Variants in SPATA6L observed in about 807,000 individuals in gnomAD.
SPATA6L encodes the protein spermatogenesis associated 6 like.
A neutral mutation model predicts 49.2 loss-of-function variants in SPATA6L; 68 were observed. The observed-to-expected ratio is 1.38, with a 90% confidence interval of 1.14 to 1.69. The LOEUF (loss-of-function observed/expected upper bound fraction) is 1.69, where lower values mean the gene tolerates loss of function less well. SPATA6L is among the 40% of genes most tolerant of loss of function. The probability of loss-of-function intolerance (pLI) is 0.00; values close to 1 mark genes in which losing one functional copy is unlikely to be tolerated. For synonymous variants in SPATA6L, 198 were observed against 165.7 expected, an observed-to-expected ratio of 1.19 and a Z score of -1.50; for missense variants, 668 against 464.3, an observed-to-expected ratio of 1.44 and a Z score of -4.03.
rs573267692 is a variant in SPATA6L, at chr9:4,601,069, A to T, written c.*2-260T>A. Among the ~76,000 whole-genome samples the T allele has an allele frequency of 1.2e-3, 180 of 152,320 alleles. 1 individual carries two copies. Among genetic ancestry groups the T allele is most frequent in the African/African-American group, 4.1e-3 (172 of 41,584 alleles). On this transcript the variant is annotated intron_variant, in intron 11 of 11. Transcript: ENST00000682582. ...GACAGAGTATCTACCTCTTACTATTATAGTGAAGAGTTAGCATTGCTACAT... is the reference window on the plus strand; with the variant it reads ...GACAGAGTATCTACCTCTTACTATTTTAGTGAAGAGTTAGCATTGCTACAT...
chr9:4,619,861 G>A (rs1367395621), intron 7 of SPATA6L, among the ~76,000 whole-genome samples: 1 of 152,132 alleles, frequency 6.6e-6, no homozygotes, highest in Non-Finnish European at 1.5e-5. Context: ...AAGACACAGA[G>A]AGAAAGTGAA....
intron 6 of SPATA6L, 106 bp from the exon 7 acceptor site, chr9:4,622,616 TG>T: frequency 1.3e-6 from 1 of 772,108 alleles, no homozygotes; most frequent in Non-Finnish European, 2.1e-6. Context: ...TTACACGGGT[TG>T]GAAAAAGAAG....
intron 4 of SPATA6L, among the ~76,000 whole-genome samples, chr9:4,631,594 A>C (rs1304471384): frequency 3.3e-5 from 5 of 151,562 alleles, no homozygotes; most frequent in Non-Finnish European, 7.4e-5. Context: ...GAAATAAAAC[A>C]GCAAAATACA....
Position 4,662,929 on chromosome 9 carries a change from G to A in SPATA6L, c.40-893C>T, listed in dbSNP as rs149516642. The A allele has an allele frequency of 6.2e-7, 1 of 1,610,840 alleles. No individual in the cohort carries two copies. ...CTGCTGCTGGTGGCCTTGATCAAAGGGCTGGTCCGCAGGCGCCGCCCGGCC... is the reference window on the plus strand; with the variant it reads ...CTGCTGCTGGTGGCCTTGATCAAAGAGCTGGTCCGCAGGCGCCGCCCGGCC... On this transcript the variant is annotated intron_variant, in intron 1 of 11. Coordinates refer to ENST00000682582, the MANE Select transcript of SPATA6L (RefSeq NM_001353486.2). This position sits in a 1 kb window ranked among gnomAD's most constrained non-coding sequence, Gnocchi z 4.9.
intron 13 of SPATA6L, among the ~76,000 whole-genome samples, chr9:4,592,131 A>G (rs953190406): frequency 3.3e-5 from 5 of 152,108 alleles, no homozygotes; most frequent in African/African-American, 1.2e-4. Flanking sequence ...CCTGGCCAAC[A>G]TGATGAAACC....
At position 4,662,339 on chromosome 9, in the gene SPATA6L, G is replaced by A. The variant is rs914904930; in HGVS notation, c.40-303C>T. On this transcript the variant is annotated intron_variant, in intron 1 of 11. Coordinates refer to ENST00000682582, the MANE Select transcript of SPATA6L (RefSeq NM_001353486.2). The surrounding 1 kb of genome is among the most constrained non-coding windows in gnomAD (Gnocchi z 4.9). ...TGCAGGGCCGGGAAGCCTCTGTTTG[G>A]TCCGGCCAGGTCCCGGGATCCGGGC... is the stretch of plus-strand genomic sequence containing the variant. 24 of 1,467,888 alleles carry A rather than the reference G, an allele frequency of 1.6e-5. No homozygotes were observed. Among genetic ancestry groups the A allele is most frequent in the Non-Finnish European group, 2.1e-5 (24 of 1,117,036 alleles). The allele number at this position is 1,467,888 out of a possible 1,614,324, so 90.9% of individuals were successfully genotyped here. A position where few individuals can be genotyped will look rare whatever the true frequency, so the allele number is the denominator to read the frequency against.
At chr9:4,610,631 T>A (rs1019925489) in intron 9 of SPATA6L, among the ~76,000 whole-genome samples, 7 of 152,036 alleles carry the variant, frequency 4.6e-5, no homozygotes, top group African/African-American at 1.7e-4. Flanking sequence ...CCTTACACCT[T>A]ATACAAAAAT....
intron 3 of SPATA6L, among the ~76,000 whole-genome samples, chr9:4,639,121 A>G (rs1030659256): frequency 6.6e-6 from 1 of 152,240 alleles, no homozygotes; most frequent in African/African-American, 2.4e-5. Context: ...AAAGCCATGT[A>G]GAATGCACAG....
chr9:4,631,839 T>A (rs573124437), intron 4 of SPATA6L, among the ~76,000 whole-genome samples: 1 of 152,050 alleles, frequency 6.6e-6, no homozygotes, highest in East Asian at 1.9e-4. Context: ...AGCACGAGGG[T>A]CCCTCTTCCA....
At chr9:4,664,186 C>T (rs1271426865) in intron 1 of SPATA6L, 1 of 167,096 alleles carries the variant, frequency 6.0e-6, no homozygotes, top group African/African-American at 2.4e-5. Flanking sequence ...AGGCTGACCA[C>T]ATATTATGCC....
At chr9:4,630,167 G>A (rs1831234329) in intron 4 of SPATA6L, among the ~76,000 whole-genome samples, 1 of 152,088 alleles carries the variant, frequency 6.6e-6, no homozygotes, top group Non-Finnish European at 1.5e-5. Context: ...CTATAAAGGG[G>A]TAACATGAGG....
chr9:4,656,088 A>G lies in SPATA6L; in HGVS notation c.179T>C (p.Val60Ala). 1.2e-6 allele frequency: 2 copies of G among 1,611,994 alleles called. No individual in the cohort carries two copies. The highest frequency in any genetic ancestry group is 1.7e-6 in the Non-Finnish European group (2 of 1,178,834). ...MIQESMRFEK[V>A]FESAVDPGAV... is the part of the protein sequence containing the mutation. The stretch of plus-strand genomic sequence containing the variant: ...TCCAGGATCTACTGCACTTTCAAAT[A>G]CCTGCAGAGAAAAATGGGGAAAATA... Residue 60 changes from valine to alanine, a missense_variant and splice_region_variant, in exon 3 of 12, where the codon GTA (valine) becomes GCA (alanine). Transcript: ENST00000682582.
Position 4,610,377 on chromosome 9 carries a change from C to G in SPATA6L, c.996-4937G>C, listed in dbSNP as rs1298749449. On this transcript the variant is annotated intron_variant, in intron 9 of 11. Coordinates refer to ENST00000682582, the MANE Select transcript of SPATA6L (RefSeq NM_001353486.2). ...CAAAAGAACAAAGCTGGAGGCATCA[C>G]ACTACCTGACTTCAAACTATACTAC... Among the ~76,000 whole-genome samples the G allele has an allele frequency of 6.1e-5, 9 of 147,118 alleles. No individual in the cohort carries two copies. The East Asian group carries it at 1.8e-3, about 29-fold the overall frequency.
chr9:4,638,215 TATTA>T (rs1564250277), intron 3 of SPATA6L, among the ~76,000 whole-genome samples: 2 of 152,056 alleles, frequency 1.3e-5, no homozygotes, highest in Admixed American at 6.6e-5. Context: ...TTATTATTAT[TATTA>T]TTATTTTTTG....
chr9:4,658,133 C>T (rs975567246), intron 2 of SPATA6L, among the ~76,000 whole-genome samples: 1 of 152,168 alleles, frequency 6.6e-6, no homozygotes, highest in Non-Finnish European at 1.5e-5. Flanking sequence ...TTGTAGCCTC[C>T]AGAACAGTGA....
chr9:4,644,230 C>T (rs1293530081), intron 3 of SPATA6L, among the ~76,000 whole-genome samples: 7 of 131,890 alleles, frequency 5.3e-5, no homozygotes, highest in African/African-American at 2.0e-4. Context: ...TGTAGCTGGG[C>T]ATGGTGCATG....
At chr9:4,606,029 C>T (rs1269317272) in intron 9 of SPATA6L, among the ~76,000 whole-genome samples, 11 of 151,718 alleles carry the variant, frequency 7.3e-5, no homozygotes, top group Admixed American at 1.3e-4. Flanking sequence ...GTTCCCTTTC[C>T]GAGTCAAAGA....
At chr9:4,589,222 T>C (rs1231453994) in intron 13 of SPATA6L, among the ~76,000 whole-genome samples, 1 of 152,264 alleles carries the variant, frequency 6.6e-6, no homozygotes, top group Non-Finnish European at 1.5e-5. Context: ...ATGCATGTGA[T>C]GCATGTAGCA....
downstream of SPATA6L, among the ~76,000 whole-genome samples, chr9:4,595,516 T>G (rs1822190784): frequency 6.6e-6 from 1 of 152,202 alleles, no homozygotes; most frequent in African/African-American, 2.4e-5. Flanking sequence ...CAGCACAAGT[T>G]GAAAATACTC....
Sources: allele counts gnomAD v4.1 joint callset (sites outside exome capture counted in the v4.1 genomes callset), GRCh38; gene constraint gnomAD v4.1.1; non-coding constraint Gnocchi (gnomAD v3.1); transcripts MANE v1.5; gene names NCBI Gene and HGNC (gene_info 2026-07-23, HGNC 2026-07-21).